The following FRA10AC1 variants were observed in gnomAD, a reference collection of about 807,000 sequenced individuals.
FRA10AC1 encodes protein FRA10AC1.
In FRA10AC1, 43 loss-of-function variants were observed where a neutral mutation model predicts 56.5. The observed-to-expected ratio is 0.76, with a 90% confidence interval of 0.60 to 0.98. FRA10AC1 has a LOEUF of 0.98. Among genes scored for constraint, FRA10AC1 ranks in the 50% least tolerant of loss-of-function variants. The probability of loss-of-function intolerance (pLI) is 0.00; values close to 1 mark genes in which losing one functional copy is unlikely to be tolerated. For synonymous variants in FRA10AC1, 112 were observed against 110.5 expected (o/e 1.01, Z -0.09); for missense variants, 346 against 351.8 (o/e 0.98, Z 0.13).
intron 11 of FRA10AC1, among the ~76,000 whole-genome samples, chr10:93,677,214 A>ACTGAAGATCC (rs2058857039): frequency 6.6e-6 from 1 of 152,184 alleles, no homozygotes; most frequent in Non-Finnish European, 1.5e-5. Context: ...AGAGAAAGGC[A>ACTGAAGATCC]CTGAAGATCG....
chr10:93,696,268 C>T (rs1437253422), intron 4 of FRA10AC1, among the ~76,000 whole-genome samples: 1 of 152,128 alleles, frequency 6.6e-6, no homozygotes, highest in East Asian at 1.9e-4. Context: ...AAGAAGGTGA[C>T]AACCCGGAAA....
chr10:93,692,115 T>C, intron 6 of FRA10AC1, 22 bp from the exon 7 acceptor site: 2 of 1,436,610 alleles, frequency 1.4e-6, no homozygotes, highest in Non-Finnish European at 9.2e-7. Flanking sequence ...AAAATATAAA[T>C]ATTATACATT....
At chr10:93,681,103 T>G (rs1388342053) in intron 11 of FRA10AC1, among the ~76,000 whole-genome samples, 1 of 152,186 alleles carries the variant, frequency 6.6e-6, no homozygotes, top group African/African-American at 2.4e-5. Flanking sequence ...CATTCTTATT[T>G]GAGTTTCCAC....
At chr10:93,677,932 C>G (rs982452952) in intron 11 of FRA10AC1, among the ~76,000 whole-genome samples, 18 of 152,220 alleles carry the variant, frequency 1.2e-4, no homozygotes, top group Admixed American at 1.2e-3. Flanking sequence ...GTTGAATTCA[C>G]TGATTCACTC....
At chr10:93,699,797 C>T (rs1186922196) in intron 2 of FRA10AC1, among the ~76,000 whole-genome samples, 1 of 152,184 alleles carries the variant, frequency 6.6e-6, no homozygotes, top group Non-Finnish European at 1.5e-5. Context: ...TTCCAGAAAT[C>T]TGAAACTCTT....
intron 7 of FRA10AC1, 64 bp from the exon 8 acceptor site, chr10:93,687,513 G>A: frequency 1.5e-6 from 2 of 1,352,658 alleles, no homozygotes; most frequent in East Asian, 2.6e-5. Context: ...TCTAAACATG[G>A]AGCCAACAAT....
chr10:93,675,265 T>C (rs2058822752), intron 12 of FRA10AC1: 1 of 152,198 alleles, frequency 6.6e-6, no homozygotes, highest in Admixed American at 6.5e-5. Context: ...ATATTTAAAA[T>C]TTCTTGTTAA....
intron 7 of FRA10AC1, among the ~76,000 whole-genome samples, chr10:93,690,980 G>A (rs953874247): frequency 3.3e-5 from 5 of 152,144 alleles, no homozygotes; most frequent in African/African-American, 9.7e-5. Context: ...TGGTTCTAAT[G>A]AGATCAAATG....
chr10:93,694,360 A>G (rs1439926837), intron 5 of FRA10AC1, among the ~76,000 whole-genome samples: 1 of 152,120 alleles, frequency 6.6e-6, no homozygotes. Context: ...CCTGTCCAAA[A>G]AAATGGGATT....
chr10:93,674,926 T>A (rs536802431), intron 12 of FRA10AC1: 5 of 152,190 alleles, frequency 3.3e-5, no homozygotes, highest in Non-Finnish European at 7.3e-5. Context: ...TACACCTTTG[T>A]TGAAGTATGT....
At chr10:93,682,619 A>C (rs1223049711) in intron 10 of FRA10AC1, among the ~76,000 whole-genome samples, 1 of 152,034 alleles carries the variant, frequency 6.6e-6, no homozygotes, top group Non-Finnish European at 1.5e-5. Flanking sequence ...TGGGCAACAT[A>C]GGGAAACACC....
At chr10:93,674,602 C>G (rs1419708515) in intron 12 of FRA10AC1, 2 of 152,068 alleles carry the variant, frequency 1.3e-5, no homozygotes, top group East Asian at 3.9e-4. Context: ...ATAGTCTTCA[C>G]AGTATTCACC....
Position 93,702,522 on chromosome 10 carries a change from ACCGCCG to A in FRA10AC1, c.-154_-149del, listed in dbSNP as rs139811637. On this transcript the variant is annotated 5_prime_UTR_variant, in exon 1 of 14. Transcript: ENST00000359204. ...GCCGCACAGCCTCGCCACAACCACC[ACCGCCG>A]CCGCCGCCGCCGCCGCCGCCCGCAA... 0.07 allele frequency: 14,925 copies of A among 214,682 alleles called. 722 individuals carry two copies. The highest frequency in any genetic ancestry group is 0.24 in the East Asian group (1,461 of 6,146). 13.3% of individuals were successfully genotyped at this position (214,682 alleles called of 1,614,324 possible).
rs2059260907 is a variant in FRA10AC1, at chr10:93,697,988, A to G, written c.219+148T>C. On this transcript the variant is annotated intron_variant, in intron 4 of 13. Coordinates refer to ENST00000359204, the MANE Select transcript of FRA10AC1 (RefSeq NM_145246.5). ...TATTAGTAAAAGAGAATTGTACCCA[A>G]AAGTATAAATGGCAAAATCCTACAT... is the stretch of plus-strand genomic sequence containing the variant. 2 of 493,790 alleles carry G rather than the reference A, an allele frequency of 4.1e-6. 1 individual carries two copies. The allele number at this position is 493,790 out of a possible 1,614,324, so 30.6% of individuals were successfully genotyped here.
At chr10:93,682,496 T>C (rs541258056) in intron 10 of FRA10AC1, among the ~76,000 whole-genome samples, 3 of 152,326 alleles carry the variant, frequency 2.0e-5, no homozygotes, top group South Asian at 2.1e-4. Flanking sequence ...GTTTAGGCTA[T>C]TCCAGTAATC....
intron 7 of FRA10AC1, among the ~76,000 whole-genome samples, chr10:93,690,015 A>G (rs1341006158): frequency 6.6e-6 from 1 of 152,222 alleles, no homozygotes; most frequent in Admixed American, 6.5e-5. Context: ...GGGAAATGCA[A>G]TAAAGAAAGG....
At chr10:93,701,308 T>A (rs1441264186) in intron 1 of FRA10AC1, among the ~76,000 whole-genome samples, 1 of 152,162 alleles carries the variant, frequency 6.6e-6, no homozygotes, top group African/African-American at 2.4e-5. Context: ...ATCAAATTGT[T>A]AAAACTAATA....
chr10:93,687,436 C>T lies in FRA10AC1; in HGVS notation c.479G>A (p.Trp160Ter). Reference protein sequence around the residue: ...KYKENKFGFRWRVEKEVISGK... With the variant: ...KYKENKFGFR ...TGAAATTACTTCTTTTTCTACTCGC[C>T]ACCTAAATCCAAACTGATAATAAAA... Residue 160 changes from tryptophan (W) to a stop codon, truncating the protein, a stop_gained, in exon 8 of 14, where the codon TGG becomes TAG. Transcript: ENST00000359204. LOFTEE classifies it high-confidence loss of function. The T allele has an allele frequency of 6.6e-7, 1 of 1,512,954 alleles. No homozygotes were observed. Among genetic ancestry groups the T allele is most frequent in the Non-Finnish European group, 9.0e-7 (1 of 1,115,206 alleles). 93.7% of individuals were successfully genotyped at this position (1,512,954 alleles called of 1,614,324 possible).
At chr10:93,676,330 G>A (rs2058839436) in intron 12 of FRA10AC1, among the ~76,000 whole-genome samples, 2 of 152,028 alleles carry the variant, frequency 1.3e-5, no homozygotes. Context: ...AAAACCATAG[G>A]CCTAATTTAA....
Sources: allele counts gnomAD v4.1 joint callset (sites outside exome capture counted in the v4.1 genomes callset), GRCh38; gene constraint gnomAD v4.1.1; transcripts MANE v1.5; gene names NCBI Gene and HGNC (gene_info 2026-07-23, HGNC 2026-07-21).